MORN2: variants seen among roughly 807,000 people sequenced by gnomAD.
MORN2 encodes the protein MORN repeat-containing protein 2.
In MORN2, 15 loss-of-function variants were observed where a neutral mutation model predicts 13.4. The observed-to-expected ratio is 1.12, with a 90% CI of 0.75 to 1.72. The LOEUF (loss-of-function observed/expected upper bound fraction) is 1.72. MORN2 is among the 40% of genes most tolerant of loss of function. The probability of loss-of-function intolerance (pLI) is 0.00; values close to 1 mark genes in which losing one functional copy is unlikely to be tolerated. For missense variants in MORN2, 168 were observed against 134.6 expected (o/e 1.25, Z -1.23); for synonymous variants, 46 against 43.6 (o/e 1.06, Z -0.22).
chr2:38,876,942 G>T (rs1665644976), intron 1 of MORN2, among the ~76,000 whole-genome samples: 2 of 152,192 alleles, frequency 1.3e-5, no homozygotes, highest in South Asian at 4.1e-4. Context: ...GCAAAGGTAG[G>T]TAGTCCGATG....
rs112976519 is a variant in MORN2, at chr2:38,882,563, T to G, written c.*48T>G. ...AAATGTAGTAATTGAAGCTTTTAGTTGTAAGGAAAGCAACTTAATCTGTTA... is the reference window on the plus strand; with the variant it reads ...AAATGTAGTAATTGAAGCTTTTAGTGGTAAGGAAAGCAACTTAATCTGTTA... On this transcript the variant is annotated 3_prime_UTR_variant, in exon 5 of 5. Transcript: ENST00000644631. The G allele has an allele frequency of 3.6e-6, 5 of 1,388,524 alleles. No homozygotes were observed. The highest frequency in any genetic ancestry group is 2.5e-5 in the South Asian group (2 of 79,568). 86.0% of individuals were successfully genotyped at this position (1,388,524 alleles called of 1,614,324 possible).
At position 38,882,431 on chromosome 2, in the gene MORN2, A is replaced by G; in HGVS notation, c.372A>G (p.Glu124=). 2 of 1,549,888 alleles carry G rather than the reference A, an allele frequency of 1.3e-6. No homozygotes were observed. The highest frequency in any genetic ancestry group is 1.7e-6 in the Non-Finnish European group (2 of 1,145,606). ...ATTGCAGGGTGGAAGGTGAAGGGGA[A>G]TATACTGATATCCAAGGACTAGAAT... The change falls in exon 5 of 5, where the codon GAA becomes GAG. Residue 124 remains glutamate (E), a synonymous_variant. Coordinates refer to ENST00000644631, the MANE Select transcript of MORN2 (RefSeq NM_001145450.3).
chr2:38,879,263 C>A (rs190638951), intron 1 of MORN2, among the ~76,000 whole-genome samples: 1 of 152,100 alleles, frequency 6.6e-6, no homozygotes, highest in Non-Finnish European at 1.5e-5. Context: ...AAAACATATC[C>A]ACACAAAAAT....
In MORN2 at chr2:38,882,601, T is replaced by A; in HGVS notation, c.*86T>A. 1 of 923,424 alleles carries A rather than the reference T, an allele frequency of 1.1e-6. No individual in the cohort carries two copies. Among genetic ancestry groups the A allele is most frequent in the Non-Finnish European group, 1.7e-6 (1 of 597,532 alleles). 57.2% of individuals were successfully genotyped at this position (923,424 alleles called of 1,614,324 possible). A position where few individuals can be genotyped will look rare whatever the true frequency, so the allele number is the denominator to read the frequency against. ...ACTTAATCTGTTATTTGAAATGACTTCATACACTACCCCTATAAGTTTGCC... is the reference window on the plus strand; with the variant it reads ...ACTTAATCTGTTATTTGAAATGACTACATACACTACCCCTATAAGTTTGCC... On this transcript the variant is annotated 3_prime_UTR_variant, in exon 5 of 5. Coordinates refer to ENST00000644631, the MANE Select transcript of MORN2 (RefSeq NM_001145450.3).
chr2:38,881,387 G>A, intron 3 of MORN2, 55 bp from the exon 4 acceptor site: 1 of 1,461,812 alleles, frequency 6.8e-7, no homozygotes, highest in Non-Finnish European at 9.1e-7. Context: ...ATTTTTTAAA[G>A]GTTCTTGGGA....
chr2:38,879,417 G>A (rs1298577138), intron 1 of MORN2, among the ~76,000 whole-genome samples: 2 of 152,102 alleles, frequency 1.3e-5, no homozygotes, highest in Admixed American at 1.3e-4. Flanking sequence ...AACAAAATAT[G>A]CTGTTTCTGT....
intron 4 of MORN2, among the ~76,000 whole-genome samples, 184 bp from the exon 5 acceptor site, chr2:38,882,229 T>G (rs1665791457): frequency 1.3e-5 from 2 of 151,480 alleles, no homozygotes; most frequent in East Asian, 1.9e-4. Context: ...GGTTTTTTTT[T>G]TTTTTTTTTT....
intron 4 of MORN2, 78 bp from the exon 5 acceptor site, chr2:38,882,335 A>G: frequency 3.4e-6 from 3 of 870,146 alleles, no homozygotes; most frequent in Non-Finnish European, 5.3e-6. Context: ...CATAGTATAT[A>G]TTATGCTAGA....
chr2:38,876,891 AAT>A (rs1665644016), intron 1 of MORN2, among the ~76,000 whole-genome samples: 1 of 152,194 alleles, frequency 6.6e-6, no homozygotes, highest in African/African-American at 2.4e-5. Flanking sequence ...GGCATAAGAT[AAT>A]TATTTGTCCA....
intron 1 of MORN2, among the ~76,000 whole-genome samples, chr2:38,876,729 T>C (rs1270315722): frequency 6.6e-6 from 1 of 152,136 alleles, no homozygotes; most frequent in African/African-American, 2.4e-5. Flanking sequence ...TGACAAGTAA[T>C]GAGAAGAAAG....
rs1665776281 is a variant in MORN2, at chr2:38,881,480, A to G, written c.255A>G (p.Ala85=). 1 of 1,541,412 alleles carries G rather than the reference A, an allele frequency of 6.5e-7. No homozygotes were observed. The highest frequency in any genetic ancestry group is 8.7e-7 in the Non-Finnish European group (1 of 1,143,736). The stretch of plus-strand genomic sequence containing the variant: ...GAAGACTTGAGCATTTTTCAGGAGC[A>G]GTATATGAAGGACAATTTAAGGATA... Residue 85 remains alanine (A), a synonymous_variant, in exon 4 of 5, where the codon GCA becomes GCG. Transcript: ENST00000644631.
chr2:38,876,362 G>A (rs1202953046), intron 1 of MORN2, among the ~76,000 whole-genome samples: 1 of 152,206 alleles, frequency 6.6e-6, no homozygotes, highest in Non-Finnish European at 1.5e-5. Context: ...GGTGCCGGGT[G>A]GTCTCTGTGA....
intron 1 of MORN2, among the ~76,000 whole-genome samples, chr2:38,879,863 G>A (rs1436937634): frequency 6.6e-6 from 1 of 152,162 alleles, no homozygotes; most frequent in Non-Finnish European, 1.5e-5. Flanking sequence ...GATCATCTAG[G>A]CAAAATTGTT....
Position 38,876,115 on chromosome 2 carries a change from G to A in MORN2, c.58+5G>A. On this transcript the variant is annotated splice_donor_5th_base_variant and intron_variant, in intron 1 of 4. Coordinates refer to ENST00000644631, the MANE Select transcript of MORN2 (RefSeq NM_001145450.3). ...TCTCTAACACCTCTCGGCCAAGTGA[G>A]TGTCCCTCCTCCTAACGACCCGGGC... 2.5e-6 allele frequency: 1 copy of A among 398,766 alleles called. No homozygotes were observed. Among genetic ancestry groups the A allele is most frequent in the Non-Finnish European group, 4.4e-6 (1 of 226,176 alleles). The allele number at this position is 398,766 out of a possible 1,614,324, so 24.7% of individuals were successfully genotyped here. A position where few individuals can be genotyped will look rare whatever the true frequency, so the allele number is the denominator to read the frequency against.
In MORN2 at chr2:38,880,706, G is replaced by T; in HGVS notation, c.216G>T (p.Lys72Asn). Residue 72 changes from lysine (K) to asparagine (N), a missense_variant and splice_region_variant, in exon 3 of 5, where the codon AAG becomes AAT. By Grantham distance (94) the Lys-to-Asn change is moderately conservative. Coordinates refer to ENST00000644631, the MANE Select transcript of MORN2 (RefSeq NM_001145450.3). ...ACACAGGAAGCTGGAAAGATGACAA[G>T]GTATTATTGTTGTTTTTAATATTGG... is the stretch of plus-strand genomic sequence containing the variant. 1 of 1,549,666 alleles carries T rather than the reference G, an allele frequency of 6.5e-7. No homozygotes were observed. Among genetic ancestry groups the T allele is most frequent in the Non-Finnish European group, 8.7e-7 (1 of 1,146,580 alleles).
In MORN2 at chr2:38,882,572, A is replaced by T. The variant is rs1330334459; in HGVS notation, c.*57A>T. On this transcript the variant is annotated 3_prime_UTR_variant, in exon 5 of 5. Coordinates refer to ENST00000644631, the MANE Select transcript of MORN2 (RefSeq NM_001145450.3). ...AATTGAAGCTTTTAGTTGTAAGGAA[A>T]GCAACTTAATCTGTTATTTGAAATG... 8 of 1,292,176 alleles carry T rather than the reference A, an allele frequency of 6.2e-6. No homozygotes were observed. In the Admixed American group the frequency reaches 1.6e-4, roughly 26 times the overall value. 80.0% of individuals were successfully genotyped at this position (1,292,176 alleles called of 1,614,324 possible).
At position 38,876,776 on chromosome 2, in the gene MORN2, A is replaced by C. The variant is rs190175436; in HGVS notation, c.58+666A>C. The stretch of plus-strand genomic sequence containing the variant: ...GAGCTCATACCTGAGCTGGGGCTAC[A>C]AGAATACAATAGCTAATATTTACAG... On this transcript the variant is annotated intron_variant, in intron 1 of 4. Coordinates refer to ENST00000644631, the MANE Select transcript of MORN2 (RefSeq NM_001145450.3). 1.3e-5 allele frequency among the ~76,000 whole-genome samples: 2 copies of C among 152,348 alleles called. 1 individual carries two copies. Among genetic ancestry groups the C allele is most frequent in the Admixed American group, 1.3e-4 (2 of 15,306 alleles).
Position 38,876,052 on chromosome 2 carries a change from G to T in MORN2, c.-1G>T, listed in dbSNP as rs377541761. On this transcript the variant is annotated 5_prime_UTR_variant, in exon 1 of 5. Transcript: ENST00000644631. ...CGCCTAGTTCTCTCCCGGCCGCAGA[G>T]CTGGCCGCCCAGGGGGAGTCGCAGA... The T allele has an allele frequency of 3.5e-5, 14 of 398,738 alleles. No individual in the cohort carries two copies. The South Asian group carries it at 1.5e-3, about 43-fold the overall frequency. 24.7% of individuals were successfully genotyped at this position (398,738 alleles called of 1,614,324 possible).
At chr2:38,881,216 A>G (rs1665769951) in intron 3 of MORN2, among the ~76,000 whole-genome samples, 1 of 152,172 alleles carries the variant, frequency 6.6e-6, no homozygotes, top group Non-Finnish European at 1.5e-5. Flanking sequence ...GGACCCCCTG[A>G]TGTTCAAATG....
Sources: gnomAD v4.1 joint callset for allele counts (sites outside exome capture counted in the v4.1 genomes callset) on GRCh38, gnomAD v4.1.1 for gene constraint, MANE v1.5 for transcripts, NCBI Gene and HGNC (gene_info 2026-07-23, HGNC 2026-07-21) for gene names.